The following BCAS3 variants were observed in gnomAD, a reference collection of about 807,000 sequenced individuals.
The protein encoded by BCAS3 is BCAS3 microtubule associated cell migration factor, also known as BCAS4/BCAS3 fusion.
In BCAS3, 53 loss-of-function variants were observed where a neutral mutation model predicts 116.1. The ratio of observed to expected loss-of-function variants is 0.46; its 90% CI spans 0.37 to 0.57. The LOEUF is 0.57. Ranked by LOEUF, BCAS3 falls within the 20% of genes least tolerant of loss-of-function variation. The pLI is 0.00. For synonymous variants in BCAS3, 391 were observed against 408.2 expected, an observed-to-expected ratio of 0.96 and a Z score of 0.51; for missense variants, 917 against 1,165.4, an observed-to-expected ratio of 0.79 and a Z score of 3.10.
intron 16 of BCAS3, 145 bp downstream of exon 16, chr17:61,016,046 AAAGCATAGAACTTGCAC>A: frequency 1.1e-6 from 1 of 870,284 alleles, no homozygotes; most frequent in South Asian, 1.8e-5. Flanking sequence ...GATTAAGTAC[AAAGCATAGAACTTGCAC>A]AAGCATACTT....
intron 6 of BCAS3, among the ~76,000 whole-genome samples, chr17:60,802,295 A>AATATAT (rs773556470): frequency 1.3e-4 from 16 of 127,942 alleles, no homozygotes; most frequent in African/African-American, 3.3e-4. Flanking sequence ...AAAAAAAAAA[A>AATATAT]ATATATATAT....
Position 61,388,533 on chromosome 17 carries a change from C to A in BCAS3, c.2594-3444C>A. On this transcript the variant is annotated intron_variant, in intron 23 of 23. Transcript: ENST00000407086. This position sits in a 1 kb window ranked among gnomAD's most constrained non-coding sequence, Gnocchi z 6.5. ...GCCCCTGCGCCTCCTGACACCTCTC[C>A]ACCTGCTTGCAGAGATCAGTGTACT... 7.4e-7 allele frequency: 1 copy of A among 1,349,726 alleles called. No homozygotes were observed. The highest frequency in any genetic ancestry group is 1.0e-6 in the Non-Finnish European group (1 of 992,966). The allele number at this position is 1,349,726 out of a possible 1,614,324, so 83.6% of individuals were successfully genotyped here. A position where few individuals can be genotyped will look rare whatever the true frequency, so the allele number is the denominator to read the frequency against.
At chr17:60,751,524 TTTC>T (rs1234002453) in intron 6 of BCAS3, among the ~76,000 whole-genome samples, 5 of 22,794 alleles carry the variant, frequency 2.2e-4, no homozygotes, top group Non-Finnish European at 2.6e-3. Flanking sequence ...TTTTAATTTG[TTTC>T]TTTTTTTTCT....
intron 22 of BCAS3, among the ~76,000 whole-genome samples, chr17:61,212,952 T>A (rs989187116): frequency 2.6e-5 from 4 of 152,214 alleles, no homozygotes; most frequent in Admixed American, 6.5e-5. Flanking sequence ...TTATACTTTA[T>A]CCCTTATTCA....
intron 22 of BCAS3, among the ~76,000 whole-genome samples, chr17:61,146,540 A>G (rs1230976087): frequency 6.6e-6 from 1 of 152,180 alleles, no homozygotes; most frequent in Non-Finnish European, 1.5e-5. Flanking sequence ...CAACCCTCAA[A>G]TATCTAAAAC....
At chr17:61,389,231 G>A (rs1358202336) in intron 23 of BCAS3, 1 of 154,332 alleles carries the variant, frequency 6.5e-6, no homozygotes, top group East Asian at 1.9e-4. Flanking sequence ...AGATGAGTAG[G>A]TGTTCTGGGG....
intron 5 of BCAS3, among the ~76,000 whole-genome samples, chr17:60,728,431 G>T (rs530066017): frequency 9.2e-5 from 14 of 151,960 alleles, no homozygotes; most frequent in South Asian, 2.1e-4. Context: ...ATATTTCATT[G>T]TATGGAATAC....
intron 22 of BCAS3, among the ~76,000 whole-genome samples, chr17:61,212,218 C>T (rs2081501442): frequency 6.6e-6 from 1 of 152,084 alleles, no homozygotes; most frequent in Admixed American, 6.6e-5. Flanking sequence ...TATTTTGAAG[C>T]TCAAATAGTT....
rs2078208981 is a variant in BCAS3 at position 61,162,208 on chromosome 17, A to G, written c.2425+77644A>G. Among the ~76,000 whole-genome samples the G allele has an allele frequency of 6.6e-6, 1 of 152,170 alleles. No individual in the cohort carries two copies. Among genetic ancestry groups the G allele is most frequent in the Non-Finnish European group, 1.5e-5 (1 of 68,032 alleles). On this transcript the variant is annotated intron_variant, in intron 22 of 23. Transcript: ENST00000407086. The surrounding 1 kb of genome is among the most constrained non-coding windows in gnomAD (Gnocchi z 5.6). The stretch of plus-strand genomic sequence containing the variant: ...TCCTGGGTAAGTAAACAGTGATTGC[A>G]ATGTGTATGGAGCCACGGTTCTTAC...
chr17:61,045,923 A>AAT (rs1238144787), intron 19 of BCAS3, among the ~76,000 whole-genome samples: 5 of 19,082 alleles, frequency 2.6e-4, no homozygotes, highest in Non-Finnish European at 3.4e-4. Flanking sequence ...TTATATATAT[A>AAT]ATATATATAA....
At chr17:60,820,649 T>C (rs1242439315) in intron 7 of BCAS3, among the ~76,000 whole-genome samples, 2 of 152,038 alleles carry the variant, frequency 1.3e-5, no homozygotes, top group African/African-American at 4.8e-5. Flanking sequence ...TTAATGCTAA[T>C]TAAAAAAATT....
intron 7 of BCAS3, among the ~76,000 whole-genome samples, chr17:60,809,340 C>G (rs766914933): frequency 6.6e-6 from 1 of 150,934 alleles, no homozygotes; most frequent in East Asian, 1.9e-4. Context: ...ATGAAAACAA[C>G]TATTGCAGTA....
rs555935357 is a variant in BCAS3, at chr17:61,388,493, C to T, written c.2594-3484C>T. ...ACTGTCCTCCTTGACTGCAAACTCC[C>T]CCTCCTCACGGTGTGCCCCTGCGCC... On this transcript the variant is annotated intron_variant, in intron 23 of 23. Transcript: ENST00000407086. This position sits in a 1 kb window ranked among gnomAD's most constrained non-coding sequence, Gnocchi z 6.5. 27 of 830,166 alleles carry T rather than the reference C, an allele frequency of 3.3e-5. No homozygotes were observed. The highest frequency in any genetic ancestry group is 4.6e-5 in the Non-Finnish European group (25 of 538,190). The allele number at this position is 830,166 out of a possible 1,614,324, so 51.4% of individuals were successfully genotyped here.
At chr17:60,879,583 C>T (rs555329437) in intron 9 of BCAS3, among the ~76,000 whole-genome samples, 1 of 152,226 alleles carries the variant, frequency 6.6e-6, no homozygotes, top group African/African-American at 2.4e-5. Context: ...AAGACAAAGA[C>T]CGATAGATGT....
At position 61,106,814 on chromosome 17, in the gene BCAS3, G is replaced by T. The variant is rs1043214614; in HGVS notation, c.2425+22250G>T. Among the ~76,000 whole-genome samples the T allele has an allele frequency of 6.6e-6, 1 of 152,028 alleles. No individual in the cohort carries two copies. Among genetic ancestry groups the T allele is most frequent in the Non-Finnish European group, 1.5e-5 (1 of 68,000 alleles). On this transcript the variant is annotated intron_variant, in intron 22 of 23. Transcript: ENST00000407086. The surrounding 1 kb of genome is among the most constrained non-coding windows in gnomAD (Gnocchi z 4.2). ...TTTTCTATCATTAAACTTTGAGATC[G>T]TTTAGAATTTTTTACCATACTAATT... is the stretch of plus-strand genomic sequence containing the variant.
chr17:61,012,926 T>C lies in BCAS3; in HGVS notation c.1487-2825T>C, dbSNP rs2065208968. On this transcript the variant is annotated intron_variant, in intron 15 of 23. Coordinates refer to ENST00000407086, the MANE Select transcript of BCAS3 (RefSeq NM_017679.5). The surrounding 1 kb of genome is among the most constrained non-coding windows in gnomAD (Gnocchi z 4.5). ...TGAAGAACTTAACCTAAGTTCCTACTCCTCTGGCTCAATTGAGAGGTCCTC... is the reference window on the plus strand; with the variant it reads ...TGAAGAACTTAACCTAAGTTCCTACCCCTCTGGCTCAATTGAGAGGTCCTC... Among the ~76,000 whole-genome samples, 1 of 152,070 alleles carries C rather than the reference T, an allele frequency of 6.6e-6. No individual in the cohort carries two copies. Among genetic ancestry groups the C allele is most frequent in the Admixed American group, 6.6e-5 (1 of 15,248 alleles).
intron 14 of BCAS3, among the ~76,000 whole-genome samples, chr17:60,968,772 G>T (rs1429829529): frequency 1.3e-5 from 2 of 152,100 alleles, no homozygotes; most frequent in Admixed American, 1.3e-4. Flanking sequence ...CTAATTTGGT[G>T]TCTCCTTTGG....
rs77228534 is a variant in BCAS3, at chr17:61,227,341, A to G, written c.2426-140986A>G. Among the ~76,000 whole-genome samples the G allele has an allele frequency of 7.4e-3, 1,132 of 152,290 alleles. 13 individuals carry two copies. The highest frequency in any genetic ancestry group is 0.025 in the African/African-American group (1,058 of 41,546). On this transcript the variant is annotated intron_variant, in intron 22 of 23. Coordinates refer to ENST00000407086, the MANE Select transcript of BCAS3 (RefSeq NM_017679.5). The surrounding 1 kb of genome is among the most constrained non-coding windows in gnomAD (Gnocchi z 6.1). The stretch of plus-strand genomic sequence containing the variant: ...GGACCCCTCTGAAATCCATCCCTGG[A>G]TCCCAGATTAAGGTAATTCATTTGG...
chr17:61,310,387 C>A (rs2144775537), intron 22 of BCAS3, among the ~76,000 whole-genome samples: 1 of 152,170 alleles, frequency 6.6e-6, no homozygotes, highest in South Asian at 2.1e-4. Context: ...AACCCCGTCT[C>A]TACTAAAAAT....
Sources: allele counts gnomAD v4.1 joint callset (sites outside exome capture counted in the v4.1 genomes callset), GRCh38; gene constraint gnomAD v4.1.1; non-coding constraint Gnocchi (gnomAD v3.1); transcripts MANE v1.5; gene names NCBI Gene and HGNC (gene_info 2026-07-23, HGNC 2026-07-21).